Variants in SEPTIN9 observed in about 807,000 individuals in gnomAD.
The protein encoded by SEPTIN9 is septin-9.
A neutral mutation model predicts 56.6 loss-of-function variants in SEPTIN9; 13 were observed. The ratio of observed to expected loss-of-function variants is 0.23; its 90% CI spans 0.15 to 0.37. The LOEUF (loss-of-function observed/expected upper bound fraction) is 0.37. SEPTIN9 is among the 10% of genes least tolerant of loss of function. The pLI is 1.00. For missense variants in SEPTIN9, 650 were observed against 823.1 expected (o/e 0.79, Z 2.57); for synonymous variants, 332 against 334.1 (o/e 0.99, Z 0.07).
chr17:77,368,592 G>A (rs1598263477), intron 2 of SEPTIN9, among the ~76,000 whole-genome samples: 2 of 152,162 alleles, frequency 1.3e-5, no homozygotes, highest in South Asian at 2.1e-4. Context: ...GATTACAGGC[G>A]TGAGCCATGG....
At chr17:77,401,257 T>C (rs2035887661) in intron 2 of SEPTIN9, among the ~76,000 whole-genome samples, 1 of 152,204 alleles carries the variant, frequency 6.6e-6, no homozygotes, top group Non-Finnish European at 1.5e-5. Flanking sequence ...TCGCCGGCAC[T>C]GAAAGCTCCA....
chr17:77,331,056 A>G (rs1442260124), intron 2 of SEPTIN9, among the ~76,000 whole-genome samples: 1 of 152,136 alleles, frequency 6.6e-6, no homozygotes, highest in Non-Finnish European at 1.5e-5. Flanking sequence ...GACAATAATT[A>G]AAGAACTACG....
intron 1 of SEPTIN9, among the ~76,000 whole-genome samples, chr17:77,297,826 G>T (rs1253233991): frequency 1.3e-5 from 2 of 152,234 alleles, no homozygotes; most frequent in Non-Finnish European, 2.9e-5. Context: ...GCTGTGGTGA[G>T]AATTAAGATA....
chr17:77,320,951 C>G (rs1397813930), intron 2 of SEPTIN9, among the ~76,000 whole-genome samples: 2 of 152,378 alleles, frequency 1.3e-5, no homozygotes, highest in Non-Finnish European at 2.9e-5. Context: ...ACAGACCCAT[C>G]AGGGCGTGAA....
At chr17:77,467,868 C>T (rs1434176215) in intron 3 of SEPTIN9, among the ~76,000 whole-genome samples, 1 of 152,186 alleles carries the variant, frequency 6.6e-6, no homozygotes, top group East Asian at 1.9e-4. Flanking sequence ...TTTATTCATT[C>T]ACTCATTCAC....
Position 77,451,344 on chromosome 17 carries a change from C to T in SEPTIN9, c.722-30800C>T, listed in dbSNP as rs573617805. 2.0e-6 allele frequency: 2 copies of T among 985,740 alleles called. No individual in the cohort carries two copies. Among genetic ancestry groups the T allele is most frequent in the Middle Eastern group, 5.2e-4 (1 of 1,938 alleles). The allele number at this position is 985,740 out of a possible 1,614,324, so 61.1% of individuals were successfully genotyped here. On this transcript the variant is annotated intron_variant, in intron 3 of 11. Coordinates refer to ENST00000427177, the MANE Select transcript of SEPTIN9 (RefSeq NM_001113491.2). The surrounding 1 kb of genome is among the most constrained non-coding windows in gnomAD (Gnocchi z 4.2). ...CTCGCCCTGCCCCCTTGGAGCAATTCCCCACCGAGCCTCCCTTCCCAGGCA... is the reference window on the plus strand; with the variant it reads ...CTCGCCCTGCCCCCTTGGAGCAATTTCCCACCGAGCCTCCCTTCCCAGGCA...
At chr17:77,403,881 C>T (rs1446109409) in intron 3 of SEPTIN9, among the ~76,000 whole-genome samples, 2 of 152,190 alleles carry the variant, frequency 1.3e-5, no homozygotes, top group Admixed American at 1.3e-4. Context: ...ATCTCCGGTA[C>T]CCTTTTCATC....
chr17:77,419,580 C>T (rs1239161324), intron 3 of SEPTIN9, among the ~76,000 whole-genome samples: 1 of 152,184 alleles, frequency 6.6e-6, no homozygotes, highest in Non-Finnish European at 1.5e-5. Context: ...GTTGCCCAGC[C>T]TAGGAGGAAG....
intron 1 of SEPTIN9, among the ~76,000 whole-genome samples, chr17:77,305,905 T>G (rs1361398304): frequency 6.6e-5 from 2 of 30,428 alleles, no homozygotes; most frequent in East Asian, 1.2e-3. Flanking sequence ...AGTGGGTGGG[T>G]GGGGGGGTGG....
At chr17:77,360,697 T>A (rs2034387197) in intron 2 of SEPTIN9, among the ~76,000 whole-genome samples, 1 of 152,186 alleles carries the variant, frequency 6.6e-6, no homozygotes, top group Admixed American at 6.5e-5. Flanking sequence ...CCAGAATAGC[T>A]GGGACTACAG....
At chr17:77,496,031 CT>C (rs534634574) in intron 10 of SEPTIN9, among the ~76,000 whole-genome samples, 278 of 140,156 alleles carry the variant, frequency 2.0e-3, no homozygotes, top group Middle Eastern at 3.6e-3. Context: ...TTTTCTTTTT[CT>C]TTTTTTTTTT....
At position 77,427,910 on chromosome 17, in the gene SEPTIN9, G is replaced by A. The variant is rs114044817; in HGVS notation, c.721+25207G>A. On this transcript the variant is annotated intron_variant, in intron 3 of 11. Coordinates refer to ENST00000427177, the MANE Select transcript of SEPTIN9 (RefSeq NM_001113491.2). Reference sequence around the variant, plus strand: ...GTTCCCGCTTGCTCATCATGTGCAAGGTCCTGATCCACTCGGGTCTGTTTA... The same window carrying A: ...GTTCCCGCTTGCTCATCATGTGCAAAGTCCTGATCCACTCGGGTCTGTTTA... Among the ~76,000 whole-genome samples the A allele has an allele frequency of 8.4e-3, 1,277 of 152,302 alleles. 22 individuals carry two copies. Among genetic ancestry groups the A allele is most frequent in the African/African-American group, 0.028 (1,175 of 41,556 alleles).
intron 3 of SEPTIN9, among the ~76,000 whole-genome samples, chr17:77,417,355 C>A (rs984768301): frequency 6.6e-6 from 1 of 152,142 alleles, no homozygotes; most frequent in East Asian, 1.9e-4. Context: ...AAAGAGGAGG[C>A]CACAGGTGCA....
chr17:77,475,167 G>A lies in SEPTIN9; in HGVS notation c.722-6977G>A. The A allele has an allele frequency of 8.9e-7, 1 of 1,121,626 alleles. No individual in the cohort carries two copies. The highest frequency in any genetic ancestry group is 1.1e-6 in the Non-Finnish European group (1 of 901,788). 69.5% of individuals were successfully genotyped at this position (1,121,626 alleles called of 1,614,324 possible). ...AAGAAAGCCGGGCTGGGGTGAGCGT[G>A]ATGGATGAGGTGTCTGGCTTCACAA... On this transcript the variant is annotated intron_variant, in intron 3 of 11. Coordinates refer to ENST00000427177, the MANE Select transcript of SEPTIN9 (RefSeq NM_001113491.2). This position sits in a 1 kb window ranked among gnomAD's most constrained non-coding sequence, Gnocchi z 4.6.
chr17:77,376,363 C>T (rs2034919890), intron 2 of SEPTIN9: 3 of 985,654 alleles, frequency 3.0e-6, no homozygotes, highest in Non-Finnish European at 1.2e-6. Context: ...GGTCTCTTTC[C>T]CGGGGCGGCT....
At chr17:77,469,160 A>G (rs1266060044) in intron 3 of SEPTIN9, 2 of 152,706 alleles carry the variant, frequency 1.3e-5, no homozygotes, top group Non-Finnish European at 2.9e-5. Flanking sequence ...GTGAATCTGG[A>G]CAAAGAAGGT....
chr17:77,462,104 G>A lies in SEPTIN9; in HGVS notation c.722-20040G>A, dbSNP rs540959567. 8.6e-5 allele frequency among the ~76,000 whole-genome samples: 13 copies of A among 151,924 alleles called. No homozygotes were observed. The South Asian group carries it at 2.7e-3, about 32-fold the overall frequency. On this transcript the variant is annotated intron_variant, in intron 3 of 11. Transcript: ENST00000427177. ...AAAACCCTTTCCTTCTATCGGTTTT[G>A]GATTCATTGGCTGGGACCCTGGAAA... is the stretch of plus-strand genomic sequence containing the variant.
In SEPTIN9 at chr17:77,437,585, C is replaced by T. The variant is rs1301415904; in HGVS notation, c.721+34882C>T. 6.6e-6 allele frequency among the ~76,000 whole-genome samples: 1 copy of T among 152,100 alleles called. No homozygotes were observed. Among genetic ancestry groups the T allele is most frequent in the Non-Finnish European group, 1.5e-5 (1 of 68,022 alleles). On this transcript the variant is annotated intron_variant, in intron 3 of 11. Transcript: ENST00000427177. The surrounding 1 kb of genome is among the most constrained non-coding windows in gnomAD (Gnocchi z 5.3). ...GGACCAGGTGAGGGCTTGTCGACTGCTCTGACCTCCTGATGCTTCTGGTGG... is the reference window on the plus strand; with the variant it reads ...GGACCAGGTGAGGGCTTGTCGACTGTTCTGACCTCCTGATGCTTCTGGTGG...
chr17:77,470,406 GCATCCACTCACCCATCCATCTACC>G (rs946587991), intron 3 of SEPTIN9, among the ~76,000 whole-genome samples: 6 of 104,540 alleles, frequency 5.7e-5, no homozygotes, highest in Admixed American at 9.4e-5. Flanking sequence ...ACTCATCCAC[GCATCCACTCACCCATCCATCTACC>G]CATCCACTCA....
Sources: gnomAD v4.1 joint callset for allele counts (sites outside exome capture counted in the v4.1 genomes callset) on GRCh38, gnomAD v4.1.1 for gene constraint, Gnocchi (gnomAD v3.1) non-coding constraint, MANE v1.5 for transcripts, NCBI Gene and HGNC (gene_info 2026-07-23, HGNC 2026-07-21) for gene names.